PTGR1: variants seen among roughly 807,000 people sequenced by gnomAD.
PTGR1 encodes 15-oxoprostaglandin 13-reductase.
A neutral mutation model predicts 37.7 loss-of-function variants in PTGR1; 23 were observed. The ratio of observed to expected loss-of-function variants is 0.61; its 90% CI spans 0.44 to 0.86. The LOEUF is 0.86. PTGR1 is among the 40% of genes least tolerant of loss of function. The pLI is 0.00. For synonymous variants in PTGR1, 134 were observed against 140.0 expected, an observed-to-expected ratio of 0.96 and a Z score of 0.30; for missense variants, 351 against 394.3, an observed-to-expected ratio of 0.89 and a Z score of 0.93.
At chr9:111,560,838 G>A (rs1476430129), downstream of PTGR1, among the ~76,000 whole-genome samples, 2 of 148,680 alleles carry the variant, frequency 1.3e-5, no homozygotes, top group Non-Finnish European at 3.0e-5. Flanking sequence ...AGCTACTCAG[G>A]GGGCTGAGGC....
Position 111,583,507 on chromosome 9 carries a change from C to T in PTGR1, c.460G>A (p.Val154Met). 1.2e-6 allele frequency: 2 copies of T among 1,614,028 alleles called. No individual in the cohort carries two copies. Among genetic ancestry groups the T allele is most frequent in the Non-Finnish European group, 1.7e-6 (2 of 1,179,856 alleles). Residue 154 changes from valine to methionine, a missense_variant, in exon 6 of 10, where the codon GTG becomes ATG. Transcript: ENST00000407693. ...TVMVNAAAGA[V>M]GSVVGQIAKL... is the part of the protein sequence containing the mutation. ...GCAATCTGCCCCACGACTGAGCCCA[C>T]AGCTCCAGCTGCTGCATTAACCATC...
At chr9:111,566,834 T>C (rs1828582052) in intron 9 of PTGR1, among the ~76,000 whole-genome samples, 1 of 152,086 alleles carries the variant, frequency 6.6e-6, no homozygotes, top group Non-Finnish European at 1.5e-5. Flanking sequence ...AATAAGTAAA[T>C]TATAGTATAT....
chr9:111,553,633 G>T (rs1016521101), intron 9 of PTGR1, among the ~76,000 whole-genome samples: 4 of 152,202 alleles, frequency 2.6e-5, no homozygotes, highest in Admixed American at 2.6e-4. Flanking sequence ...GATAATGCAC[G>T]TTCCTGTACA....
intron 9 of PTGR1, among the ~76,000 whole-genome samples, chr9:111,567,716 AT>A (rs1295903317): frequency 2.6e-5 from 4 of 152,264 alleles, no homozygotes; most frequent in African/African-American, 7.2e-5. Flanking sequence ...GCAGGATTTG[AT>A]TTGTGCCTTA....
In PTGR1 at chr9:111,592,970, T is replaced by A; in HGVS notation, c.165A>T (p.Lys55Asn). The A allele has an allele frequency of 6.5e-7, 1 of 1,536,150 alleles. No homozygotes were observed. Among genetic ancestry groups the A allele is most frequent in the Non-Finnish European group, 8.7e-7 (1 of 1,146,810 alleles). ...TVDPYMRVAA[K>N]RLKEGDTMMG... ...TCATTGTATCACCTTCCTTCAATCTTTTGGCTGCCACTCTGCAAAAAAAAA... is the reference window on the plus strand; with the variant it reads ...TCATTGTATCACCTTCCTTCAATCTATTGGCTGCCACTCTGCAAAAAAAAA... Residue 55 changes from lysine to asparagine, a missense_variant, in exon 4 of 10, where the codon AAA (lysine) becomes AAT (asparagine). Coordinates refer to ENST00000407693, the MANE Select transcript of PTGR1 (RefSeq NM_001146108.2).
chr9:111,557,443 CT>C (rs35404480), intron 9 of PTGR1, among the ~76,000 whole-genome samples: 114,693 of 151,234 alleles, frequency 0.76, 44,177 homozygotes, highest in African/African-American at 0.88. Context: ...AACTCATTAT[CT>C]TTTTTTTGCT....
chr9:111,557,018 C>T (rs532876558), intron 9 of PTGR1, among the ~76,000 whole-genome samples: 30 of 152,312 alleles, frequency 2.0e-4, no homozygotes, highest in African/African-American at 7.0e-4. Context: ...TCTCCTAGGC[C>T]TCCAGGCCTT....
chr9:111,590,945 C>T (rs1829593085), intron 4 of PTGR1, among the ~76,000 whole-genome samples: 1 of 108,482 alleles, frequency 9.2e-6, no homozygotes. Context: ...TGAAAGATAT[C>T]CTTAACATAA....
rs917309931 is a variant in PTGR1, at chr9:111,586,144, T to C, written c.231A>G (p.Val77=). The part of the protein sequence containing the change: ...QVAKVVESKN[V]ALPKGTIVLA... ...GTACAATAGTTCCTTTTGGTAGGGC[T>C]ACATTTTTACTTTCCACAACTCTGA... The change falls in exon 5 of 10, where the codon GTA becomes GTG. Residue 77 remains valine, a synonymous_variant. Transcript: ENST00000407693. The C allele has an allele frequency of 1.2e-6, 2 of 1,614,144 alleles. No individual in the cohort carries two copies. Among genetic ancestry groups the C allele is most frequent in the Admixed American group, 1.7e-5 (1 of 60,028 alleles).
chr9:111,560,809 G>A (rs192278524), downstream of PTGR1, among the ~76,000 whole-genome samples: 475 of 149,484 alleles, frequency 3.2e-3, 5 homozygotes, highest in African/African-American at 0.012. Flanking sequence ...CAGGCATGGT[G>A]GCTCATGCCT....
intron 7 of PTGR1, chr9:111,576,701 A>G (rs1274736594): frequency 3.0e-5 from 9 of 302,228 alleles, no homozygotes; most frequent in Non-Finnish European, 5.5e-5. Flanking sequence ...CCCTAGAAGC[A>G]ATGGTTTTCA....
chr9:111,599,520 G>A (rs1009120609), intron 1 of PTGR1, 83 bp downstream of exon 1: 1 of 152,508 alleles, frequency 6.6e-6, no homozygotes, highest in Non-Finnish European at 1.5e-5. Flanking sequence ...CTCCACTGGG[G>A]CGTCTAGAAA....
chr9:111,586,105 G>C lies in PTGR1; in HGVS notation c.270C>G (p.Gly90=). Residue 90 remains glycine (G), a synonymous_variant, in exon 5 of 10, where the codon GGC becomes GGG. Transcript: ENST00000407693. ...PKGTIVLASP[G]WTTHSISDGK... ...CATCAGAAATGGAGTGCGTTGTCCA[G>C]CCTGGAGAAGCCAGTACAATAGTTC... The C allele has an allele frequency of 5.6e-6, 9 of 1,614,198 alleles. No individual in the cohort carries two copies. In the African/African-American group the frequency reaches 8.0e-5, roughly 14 times the overall value.
intron 6 of PTGR1, among the ~76,000 whole-genome samples, chr9:111,580,715 A>G (rs1473701458): frequency 2.7e-5 from 4 of 148,174 alleles, no homozygotes; most frequent in Admixed American, 6.8e-5. Flanking sequence ...AGATCGCACC[A>G]TTGCACTCCA....
chr9:111,559,515 T>C (rs140369224), downstream of PTGR1, among the ~76,000 whole-genome samples: 1 of 152,130 alleles, frequency 6.6e-6, no homozygotes, highest in East Asian at 1.9e-4. Flanking sequence ...TCATTTTGCT[T>C]GGGCTCCAAC....
intron 4 of PTGR1, chr9:111,592,449 C>G (rs2132435470): frequency 6.5e-6 from 1 of 154,896 alleles, no homozygotes; most frequent in South Asian, 2.0e-4. Flanking sequence ...CTAAATCCCT[C>G]ACTAACCTAC....
At chr9:111,553,524 T>C (rs1042921020) in intron 9 of PTGR1, among the ~76,000 whole-genome samples, 1 of 152,190 alleles carries the variant, frequency 6.6e-6, no homozygotes, top group Non-Finnish European at 1.5e-5. Context: ...GTAAACACAT[T>C]GTGATTTTAC....
In PTGR1 at chr9:111,570,180, C is replaced by T. The variant is rs769836427; in HGVS notation, c.790G>A (p.Glu264Lys). 1 of 1,614,058 alleles carries T rather than the reference C, an allele frequency of 6.2e-7. No homozygotes were observed. Among genetic ancestry groups the T allele is most frequent in the Admixed American group, 1.7e-5 (1 of 60,018 alleles). ...ACGACAAAAGCTTCCATGCGAAGCT[C>T]CTGATAGATAACAATCTCTGGGGGT... ...GPPPEIVIYQ[E>K]LRMEAFVVYR... The change falls in exon 9 of 10, where the codon GAG (glutamate) becomes AAG (lysine). Residue 264 changes from glutamate to lysine, a missense_variant. By Grantham distance (56) the Glu-to-Lys change is moderately conservative. Coordinates refer to ENST00000407693, the MANE Select transcript of PTGR1 (RefSeq NM_001146108.2).
chr9:111,592,105 T>A (rs1481078286), intron 4 of PTGR1, among the ~76,000 whole-genome samples: 1 of 152,202 alleles, frequency 6.6e-6, no homozygotes, highest in Non-Finnish European at 1.5e-5. Context: ...GGGCTGTAAA[T>A]GCCCTCATCT....
Sources: gnomAD v4.1 joint callset for allele counts (sites outside exome capture counted in the v4.1 genomes callset) on GRCh38, gnomAD v4.1.1 for gene constraint, MANE v1.5 for transcripts, NCBI Gene and HGNC (gene_info 2026-07-23, HGNC 2026-07-21) for gene names.